RP1: variants seen among roughly 807,000 people sequenced by gnomAD.
RP1 encodes the protein oxygen-regulated protein 1.
Under a neutral mutation model 14.8 loss-of-function variants are expected in RP1, and 16 were observed. The ratio of observed to expected loss-of-function variants is 1.08; its 90% CI spans 0.73 to 1.65. The LOEUF (loss-of-function observed/expected upper bound fraction) is 1.65, where lower values mean the gene tolerates loss of function less well. Among genes scored for constraint, RP1 ranks in the 40% most tolerant of loss-of-function variants. RP1 has a pLI of 0.00. For missense variants in RP1, 2,631 were observed against 2,535.0 expected, an observed-to-expected ratio of 1.04 and a Z score of -0.81; for synonymous variants, 876 against 883.6, an observed-to-expected ratio of 0.99 and a Z score of 0.15.
chr8:54,717,929 A>T (rs960266359), intron 15 of RP1, among the ~76,000 whole-genome samples: 2 of 152,204 alleles, frequency 1.3e-5, no homozygotes, highest in Non-Finnish European at 2.9e-5. Flanking sequence ...TTTTCATTGC[A>T]TTCCTATATA....
intron 22 of RP1, among the ~76,000 whole-genome samples, chr8:54,763,267 T>C (rs1481506137): frequency 1.3e-5 from 2 of 152,218 alleles, no homozygotes; most frequent in Non-Finnish European, 2.9e-5. Context: ...TCATTCACAA[T>C]ATATATTTGA....
At chr8:54,842,388 A>G (rs1221331023) in intron 25 of RP1, among the ~76,000 whole-genome samples, 3 of 152,182 alleles carry the variant, frequency 2.0e-5, no homozygotes, top group African/African-American at 7.2e-5. Flanking sequence ...TCTTTTTGAG[A>G]GCAAAGAAGG....
At chr8:54,745,456 G>A (rs542416444) in intron 19 of RP1, among the ~76,000 whole-genome samples, 2 of 152,236 alleles carry the variant, frequency 1.3e-5, no homozygotes, top group South Asian at 4.1e-4. Flanking sequence ...ATTTTTAAAA[G>A]TAATCCAGGA....
intron 24 of RP1, among the ~76,000 whole-genome samples, chr8:54,821,572 T>G (rs746586132): frequency 5.3e-5 from 8 of 152,192 alleles, no homozygotes; most frequent in Non-Finnish European, 1.2e-4. Context: ...GTACAGACAT[T>G]TACCTCTTAT....
chr8:54,830,916 A>G (rs1336528070), intron 24 of RP1, among the ~76,000 whole-genome samples: 1 of 152,116 alleles, frequency 6.6e-6, no homozygotes, highest in Non-Finnish European at 1.5e-5. Context: ...TGCCTCTTCA[A>G]CTATTTCTAG....
At chr8:54,582,333 G>A (rs1563317793) in intron 1 of RP1, among the ~76,000 whole-genome samples, 2 of 152,056 alleles carry the variant, frequency 1.3e-5, no homozygotes, top group African/African-American at 4.8e-5. Context: ...CATTATTTCT[G>A]AGGGCTCTGT....
chr8:54,812,135 T>C (rs1031088843), intron 24 of RP1, among the ~76,000 whole-genome samples: 2 of 152,268 alleles, frequency 1.3e-5, no homozygotes, highest in South Asian at 2.1e-4. Context: ...GTTTGTCAGA[T>C]TTTTGTTTTC....
chr8:54,564,965 A>T lies in RP1; in HGVS notation c.-13+5645A>T, dbSNP rs371824197. On this transcript the variant is annotated intron_variant, in intron 1 of 22. Transcript: ENST00000636932. ...GAGATGAGATCTTACTATGTAGCCT[A>T]GGCTGGTCTCAAACTGCTGGGCTCA... 3.6e-4 allele frequency among the ~76,000 whole-genome samples: 55 copies of T among 152,280 alleles called. 1 individual carries two copies. Among genetic ancestry groups the T allele is most frequent in the Middle Eastern group, 3.4e-3 (1 of 294 alleles).
chr8:54,588,184 G>A (rs547187440), intron 1 of RP1, among the ~76,000 whole-genome samples: 24 of 152,242 alleles, frequency 1.6e-4, no homozygotes, highest in Non-Finnish European at 2.5e-4. Context: ...CTGGTCCAAC[G>A]GCAGAACTTT....
chr8:54,698,409 A>C (rs926038469), intron 12 of RP1, among the ~76,000 whole-genome samples: 12 of 152,240 alleles, frequency 7.9e-5, no homozygotes, highest in Admixed American at 7.2e-4. Context: ...GAGGATGTGG[A>C]GAAATAGGAA....
intron 12 of RP1, among the ~76,000 whole-genome samples, chr8:54,681,480 A>C (rs1807425915): frequency 9.1e-6 from 1 of 110,168 alleles, no homozygotes. Context: ...TTATTTTTTG[A>C]TTTGTGTGTG....
intron 24 of RP1, among the ~76,000 whole-genome samples, chr8:54,831,542 C>T (rs1479133914): frequency 4.6e-5 from 7 of 150,986 alleles, no homozygotes; most frequent in Non-Finnish European, 1.0e-4. Context: ...AAGTGCTATC[C>T]CATTAATATC....
Position 54,627,600 on chromosome 8 carries a change from T to C in RP1, c.3718T>C (p.Ser1240Pro). 6.2e-7 allele frequency: 1 copy of C among 1,614,202 alleles called. No homozygotes were observed. The highest frequency in any genetic ancestry group is 8.5e-7 in the Non-Finnish European group (1 of 1,179,984). Residue 1240 changes from serine to proline, a missense_variant, in exon 4 of 4, where the codon TCT (serine) becomes CCT (proline). Ser to Pro is a moderately conservative substitution (Grantham distance 74). Coordinates refer to ENST00000220676, the MANE Select transcript of RP1 (RefSeq NM_006269.2). ...AATCTCCTCTTTGGATGGAGGTTGC[T>C]CTGCCAGTGAGGCATGTGCCCCTGA... ...QGISSLDGGC[S>P]ASEACAPEVC...
intron 15 of RP1, among the ~76,000 whole-genome samples, chr8:54,714,045 C>T (rs1808347453): frequency 6.6e-6 from 1 of 152,160 alleles, no homozygotes; most frequent in African/African-American, 2.4e-5. Context: ...CCTGCCTCAG[C>T]TTCCCGAGTA....
At chr8:54,801,827 A>G (rs1810715953) in intron 24 of RP1, among the ~76,000 whole-genome samples, 1 of 152,202 alleles carries the variant, frequency 6.6e-6, no homozygotes, top group African/African-American at 2.4e-5. Context: ...TTCTCTCTGA[A>G]GAAACCTGTC....
At chr8:54,859,878 G>C (rs541386080) in intron 27 of RP1, among the ~76,000 whole-genome samples, 2 of 152,266 alleles carry the variant, frequency 1.3e-5, no homozygotes, top group East Asian at 3.9e-4. Flanking sequence ...GCATGGATTG[G>C]AACAGAACAG....
chr8:54,627,483 C>A lies in RP1; in HGVS notation c.3601C>A (p.Gln1201Lys), dbSNP rs2129317202. ...CCACTTTGGACTCAGTGAGAAAGAA[C>A]AAGACATGGTTCCAATAGATCTTTC... ...TSHFGLSEKE[Q>K]DMVPIDLSAN... The change falls in exon 4 of 4, where the codon CAA becomes AAA. Residue 1201 changes from glutamine (Q) to lysine (K), a missense_variant. Physicochemically the swap from Gln to Lys is moderately conservative, Grantham distance 53. Transcript: ENST00000220676. The A allele has an allele frequency of 6.2e-7, 1 of 1,614,156 alleles. No individual in the cohort carries two copies. The highest frequency in any genetic ancestry group is 8.5e-7 in the Non-Finnish European group (1 of 1,179,978).
intron 23 of RP1, among the ~76,000 whole-genome samples, chr8:54,775,883 T>C (rs567553886): frequency 1.3e-5 from 2 of 152,262 alleles, no homozygotes; most frequent in African/African-American, 2.4e-5. Context: ...GGTCTGAAAG[T>C]AGATTTGAAC....
At chr8:54,600,440 C>T (rs1056071242) in intron 1 of RP1, among the ~76,000 whole-genome samples, 3 of 152,046 alleles carry the variant, frequency 2.0e-5, no homozygotes, top group African/African-American at 4.8e-5. Flanking sequence ...TGCAGAGTGG[C>T]GGGGAGTTGG....
Sources: gnomAD v4.1 joint callset for allele counts (sites outside exome capture counted in the v4.1 genomes callset) on GRCh38, gnomAD v4.1.1 for gene constraint, MANE v1.5 for transcripts, NCBI Gene and HGNC (gene_info 2026-07-23, HGNC 2026-07-21) for gene names.